Variants in HNRNPM observed in about 807,000 individuals in gnomAD.
HNRNPM encodes heterogeneous nuclear ribonucleoprotein M, also known as CEA receptor.
Under a neutral mutation model 73.1 loss-of-function variants are expected in HNRNPM, and 11 were observed. That is an observed-to-expected ratio of 0.15 (90% CI 0.09 to 0.25). HNRNPM has a LOEUF of 0.25. HNRNPM is among the 10% of genes least tolerant of loss of function. The pLI is 1.00. For synonymous variants in HNRNPM, 407 were observed against 355.2 expected (o/e 1.15, Z -1.64); for missense variants, 789 against 1,067.9 (o/e 0.74, Z 3.64).
At chr19:8,450,667 G>A (rs1158659724) in intron 1 of HNRNPM, among the ~76,000 whole-genome samples, 1 of 151,660 alleles carries the variant, frequency 6.6e-6, no homozygotes, top group Non-Finnish European at 1.5e-5. Context: ...CTCCCAAAGT[G>A]CTGGGATTAC....
rs1232674110 is a variant in HNRNPM, at chr19:8,462,404, A to T, written c.284-125A>T. The T allele has an allele frequency of 1.3e-6, 1 of 794,998 alleles. No homozygotes were observed. Among genetic ancestry groups the T allele is most frequent in the Non-Finnish European group, 2.2e-6 (1 of 450,114 alleles). The allele number at this position is 794,998 out of a possible 1,614,324, so 49.2% of individuals were successfully genotyped here. A position where few individuals can be genotyped will look rare whatever the true frequency, so the allele number is the denominator to read the frequency against. ...TAGTTCGGTGGTTTAGAGAATATGG[A>T]GTGTTTCTGGGCTTTCTTATAAGGC... On this transcript the variant is annotated intron_variant, in intron 2 of 15. Transcript: ENST00000325495. This position sits in a 1 kb window ranked among gnomAD's most constrained non-coding sequence, Gnocchi z 4.5.
intron 14 of HNRNPM, 116 bp downstream of exon 14, chr19:8,486,521 C>A: frequency 3.6e-6 from 3 of 829,062 alleles, no homozygotes; most frequent in African/African-American, 3.4e-5. Context: ...CACCTCCTTG[C>A]CACTGTCCCA....
At chr19:8,465,632 G>T in intron 6 of HNRNPM, 117 bp downstream of exon 6, 1 of 771,294 alleles carries the variant, frequency 1.3e-6, no homozygotes, top group South Asian at 2.1e-5. Flanking sequence ...GAAGGGTTTT[G>T]TTCTTGATTT....
Position 8,473,353 on chromosome 19 carries a change from C to T in HNRNPM, c.998-311C>T, listed in dbSNP as rs528478541. On this transcript the variant is annotated intron_variant, in intron 10 of 15. Transcript: ENST00000325495. ...GCAGGCGCCTGTAATCTCAGCTAGT[C>T]GGGAGGCTGAGGCAGGAGAATTGCT... Among the ~76,000 whole-genome samples, 49 of 151,696 alleles carry T rather than the reference C, an allele frequency of 3.2e-4. 1 individual carries two copies. Among genetic ancestry groups the T allele is most frequent in the South Asian group, 2.5e-3 (12 of 4,788 alleles).
chr19:8,481,699 A>G (rs1449029986), intron 12 of HNRNPM: 1 of 152,202 alleles, frequency 6.6e-6, no homozygotes, highest in Admixed American at 6.6e-5. Context: ...CTTAAAAACC[A>G]TGGTTTCAGG....
In HNRNPM at chr19:8,462,620, A is replaced by T. The variant is rs746140004; in HGVS notation, c.336+39A>T. The T allele has an allele frequency of 6.6e-7, 1 of 1,510,158 alleles. No homozygotes were observed. The highest frequency in any genetic ancestry group is 2.2e-5 in the East Asian group (1 of 44,456). The allele number at this position is 1,510,158 out of a possible 1,614,324, so 93.5% of individuals were successfully genotyped here. On this transcript the variant is annotated intron_variant, in intron 3 of 15. Coordinates refer to ENST00000325495, the MANE Select transcript of HNRNPM (RefSeq NM_005968.5). This position sits in a 1 kb window ranked among gnomAD's most constrained non-coding sequence, Gnocchi z 4.5. Reference sequence around the variant, plus strand: ...AGAATTTCTTCTGTGGATTTACTACATGAAAAATGTAACTGTATGGTGGCG... The same window carrying T: ...AGAATTTCTTCTGTGGATTTACTACTTGAAAAATGTAACTGTATGGTGGCG...
chr19:8,465,261 G>C (rs1599785973), intron 5 of HNRNPM, 63 bp from the exon 6 acceptor site: 3 of 1,284,400 alleles, frequency 2.3e-6, no homozygotes, highest in East Asian at 4.9e-5. Flanking sequence ...ATCATTTACT[G>C]TGCAAGCATG....
chr19:8,470,358 C>T (rs918617209), intron 9 of HNRNPM, among the ~76,000 whole-genome samples: 23 of 152,134 alleles, frequency 1.5e-4, no homozygotes, highest in Middle Eastern at 3.2e-3. Context: ...GATGGAGTCT[C>T]GCTCTGTCGC....
chr19:8,468,039 G>A (rs1023856290), intron 8 of HNRNPM, among the ~76,000 whole-genome samples: 21 of 151,070 alleles, frequency 1.4e-4, no homozygotes, highest in Admixed American at 3.9e-4. Context: ...GAAAAAAAAA[G>A]AAGAAAAAAA....
At chr19:8,476,214 C>CCG (rs1173720333) in intron 12 of HNRNPM, among the ~76,000 whole-genome samples, 2 of 152,120 alleles carry the variant, frequency 1.3e-5, no homozygotes, top group Non-Finnish European at 2.9e-5. Context: ...GAGTGCTCCC[C>CCG]ACACCCTCTA....
intron 13 of HNRNPM, among the ~76,000 whole-genome samples, chr19:8,484,900 G>A (rs575162622): frequency 2.0e-5 from 3 of 152,198 alleles, no homozygotes; most frequent in South Asian, 4.2e-4. Flanking sequence ...ACCCCCAGCC[G>A]CTACCAGAGC....
intron 5 of HNRNPM, among the ~76,000 whole-genome samples, chr19:8,464,220 G>A (rs1327834209): frequency 2.1e-5 from 3 of 145,162 alleles, no homozygotes; most frequent in Non-Finnish European, 3.0e-5. Context: ...ACTCCAGCCC[G>A]GGCAACAGTG....
intron 1 of HNRNPM, among the ~76,000 whole-genome samples, chr19:8,454,004 G>C (rs1305353391): frequency 1.3e-5 from 2 of 152,122 alleles, no homozygotes; most frequent in East Asian, 3.9e-4. Flanking sequence ...CACCTCCCAG[G>C]GTTGCTCAGA....
intron 1 of HNRNPM, among the ~76,000 whole-genome samples, chr19:8,446,306 C>T (rs1180690941): frequency 3.3e-5 from 5 of 152,274 alleles, no homozygotes; most frequent in East Asian, 1.9e-4. Context: ...ATACTAACTC[C>T]CTCCGTTTTC....
At chr19:8,456,776 C>T (rs936830461) in intron 2 of HNRNPM, among the ~76,000 whole-genome samples, 4 of 152,178 alleles carry the variant, frequency 2.6e-5, no homozygotes, top group Non-Finnish European at 4.4e-5. Context: ...GCTGCTCCCA[C>T]GTGGCATTTC....
chr19:8,480,082 T>G (rs1970802894), intron 12 of HNRNPM, among the ~76,000 whole-genome samples: 1 of 139,988 alleles, frequency 7.1e-6, no homozygotes. Context: ...CAAAGAAATA[T>G]TTTAAAACTT....
In HNRNPM at chr19:8,462,501, T is replaced by C. The variant is rs766230610; in HGVS notation, c.284-28T>C. ...TTTTCTTGGCTTTTCTCCCTTGGTT[T>C]ATGTGTCGTCTGGAAACTGATTTGT... On this transcript the variant is annotated intron_variant, in intron 2 of 15. Coordinates refer to ENST00000325495, the MANE Select transcript of HNRNPM (RefSeq NM_005968.5). The surrounding 1 kb of genome is among the most constrained non-coding windows in gnomAD (Gnocchi z 4.5). The C allele has an allele frequency of 6.2e-7, 1 of 1,605,050 alleles. No individual in the cohort carries two copies. The highest frequency in any genetic ancestry group is 2.2e-5 in the East Asian group (1 of 44,852).
At chr19:8,478,195 CTTATG>C (rs1292643641) in intron 12 of HNRNPM, among the ~76,000 whole-genome samples, 6 of 152,056 alleles carry the variant, frequency 3.9e-5, no homozygotes, top group Admixed American at 2.0e-4. Context: ...CCTTGATGGA[CTTATG>C]TTAGGTAGGT....
chr19:8,473,687 T>C lies in HNRNPM; in HGVS notation c.1021T>C (p.Phe341Leu). 1 of 1,576,596 alleles carries C rather than the reference T, an allele frequency of 6.3e-7. No individual in the cohort carries two copies. Among genetic ancestry groups the C allele is most frequent in the Non-Finnish European group, 8.7e-7 (1 of 1,147,480 alleles). Reference protein sequence around the residue: ...PAGMGMEGIGFGINKMGGMEG... With the variant: ...PAGMGMEGIGLGINKMGGMEG... Reference sequence around the variant, plus strand: ...AGGAATGGGAATGGAAGGCATAGGATTTGGAATAAATAAAATGGGAGGTAA... The same window carrying C: ...AGGAATGGGAATGGAAGGCATAGGACTTGGAATAAATAAAATGGGAGGTAA... The change falls in exon 11 of 16, where the codon TTT becomes CTT. Residue 341 changes from phenylalanine to leucine, a missense_variant. Around this residue, in one of 4 missense-constraint regions of HNRNPM, gnomAD observed 604 missense variants for 744.0 expected, o/e 0.81. Coordinates refer to ENST00000325495, the MANE Select transcript of HNRNPM (RefSeq NM_005968.5).
Sources: allele counts gnomAD v4.1 joint callset (sites outside exome capture counted in the v4.1 genomes callset), GRCh38; gene constraint gnomAD v4.1.1; regional missense constraint gnomAD v4.1.1; non-coding constraint Gnocchi (gnomAD v3.1); transcripts MANE v1.5; gene names NCBI Gene and HGNC (gene_info 2026-07-23, HGNC 2026-07-21).